The following TIGIT variants were observed in gnomAD, a reference collection of about 807,000 sequenced individuals.
TIGIT encodes the protein T-cell immunoreceptor with Ig and ITIM domains.
In TIGIT, 11 loss-of-function variants were observed where a neutral mutation model predicts 19.6. The observed-to-expected ratio is 0.56, with a 90% CI of 0.35 to 0.93. The LOEUF is 0.93. TIGIT is among the 40% of genes least tolerant of loss of function. The pLI is 0.01. For synonymous variants in TIGIT, 130 were observed against 125.5 expected, an observed-to-expected ratio of 1.04 and a Z score of -0.24; for missense variants, 295 against 303.9, an observed-to-expected ratio of 0.97 and a Z score of 0.22.
chr3:114,300,695 T>A (rs141962593), intron 3 of TIGIT, among the ~76,000 whole-genome samples: 14 of 152,292 alleles, frequency 9.2e-5, no homozygotes, highest in African/African-American at 3.4e-4. Flanking sequence ...GAGCATGGTG[T>A]ATTTGGCGAG....
At chr3:114,298,753 C>A (rs2078470922) in intron 2 of TIGIT, among the ~76,000 whole-genome samples, 1 of 152,190 alleles carries the variant, frequency 6.6e-6, no homozygotes, top group African/African-American at 2.4e-5. Context: ...GCAACCCAGA[C>A]CCTTAGGTAG....
intron 1 of TIGIT, among the ~76,000 whole-genome samples, 188 bp downstream of exon 1, chr3:114,294,310 TC>T (rs751436205): frequency 1.3e-5 from 2 of 152,186 alleles, no homozygotes; most frequent in Non-Finnish European, 2.9e-5. Flanking sequence ...GAGGTGGGGT[TC>T]TGTTTTTGGT....
At chr3:114,305,880 A>AGATAGAT (rs1427496679) in intron 3 of TIGIT, among the ~76,000 whole-genome samples, 2 of 151,276 alleles carry the variant, frequency 1.3e-5, no homozygotes, top group Non-Finnish European at 3.0e-5. Flanking sequence ...ATAGATAGAT[A>AGATAGAT]GATAGATAGA....
At chr3:114,298,520 C>T (rs1296384039) in intron 2 of TIGIT, among the ~76,000 whole-genome samples, 1 of 152,194 alleles carries the variant, frequency 6.6e-6, no homozygotes, top group Non-Finnish European at 1.5e-5. Flanking sequence ...TTATGGATAG[C>T]CCTCTGCAGC....
rs765978765 is a variant in TIGIT at position 114,295,915 on chromosome 3, C to G, written c.391+41C>G. ...CAAGTTGGTGGATAAACCTCTCCCT[C>G]TAGCATAGAAAATGCAATCCTGAAA... On this transcript the variant is annotated intron_variant, in intron 2 of 3. Coordinates refer to ENST00000383671, the MANE Select transcript of TIGIT (RefSeq NM_173799.4). 19 of 1,502,500 alleles carry G rather than the reference C, an allele frequency of 1.3e-5. No homozygotes were observed. The South Asian group carries it at 1.3e-4, about 10-fold the overall frequency. The allele number at this position is 1,502,500 out of a possible 1,614,324, so 93.1% of individuals were successfully genotyped here.
chr3:114,299,455 T>G (rs557744614), intron 2 of TIGIT, 142 bp from the exon 3 acceptor site: 2 of 621,560 alleles, frequency 3.2e-6, no homozygotes, highest in East Asian at 5.5e-5. Context: ...GTTCAAAGTG[T>G]TGGGCTTAAA....
rs35641088 is a variant in TIGIT, at chr3:114,308,218, C to CGTGTGTGTGT, written c.*96_*105dup. The CGTGTGTGTGT allele has an allele frequency of 2.4e-6, 2 of 826,958 alleles. No homozygotes were observed. The highest frequency in any genetic ancestry group is 4.0e-6 in the Non-Finnish European group (2 of 499,300). The allele number at this position is 826,958 out of a possible 1,614,324, so 51.2% of individuals were successfully genotyped here. ...GCAGCTGTACTCTCCATCAGTGCTGCGTGTGTGTGTGTGTGTGTATGTGTG... is the reference window on the plus strand; with the variant it reads ...GCAGCTGTACTCTCCATCAGTGCTGCGTGTGTGTGTGTGTGTGTGTGTGTGTGTATGTGTG... On this transcript the variant is annotated 3_prime_UTR_variant, in exon 4 of 4. Transcript: ENST00000383671.
At chr3:114,303,869 A>G (rs952864849) in intron 3 of TIGIT, among the ~76,000 whole-genome samples, 2 of 152,124 alleles carry the variant, frequency 1.3e-5, no homozygotes, top group Admixed American at 1.3e-4. Context: ...ACTAGTTTAC[A>G]TTCCCACAAG....
chr3:114,296,020 C>T (rs1322520444), intron 2 of TIGIT, 146 bp downstream of exon 2: 3 of 654,540 alleles, frequency 4.6e-6, no homozygotes, highest in Non-Finnish European at 7.7e-6. Flanking sequence ...ATGCCGAGGC[C>T]TCACCCAGAC....
At position 114,303,588 on chromosome 3, in the gene TIGIT, CATATATATGTAT is replaced by C. The variant is rs1560033638; in HGVS notation, c.498+3894_498+3905del. On this transcript the variant is annotated intron_variant, in intron 3 of 3. Transcript: ENST00000383671. Reference sequence around the variant, plus strand: ...ACATATATATGTATATATATATATACATATATATGTATATATATATATACATATATATGTATA... The same window carrying C: ...ACATATATATGTATATATATATATACATATATATATACATATATATGTATA... 3.8e-5 allele frequency among the ~76,000 whole-genome samples: 2 copies of C among 53,246 alleles called. 1 individual carries two copies. The highest frequency in any genetic ancestry group is 1.1e-3 in the South Asian group (2 of 1,888). The allele number at this position is 53,246 out of a possible 152,430, so 34.9% of individuals were successfully genotyped here. A position where few individuals can be genotyped will look rare whatever the true frequency, so the allele number is the denominator to read the frequency against.
intron 2 of TIGIT, among the ~76,000 whole-genome samples, chr3:114,296,745 A>G (rs1576136396): frequency 6.6e-6 from 1 of 152,292 alleles, no homozygotes. Flanking sequence ...ATTTTAACAC[A>G]GATGTTTTTG....
intron 2 of TIGIT, among the ~76,000 whole-genome samples, chr3:114,296,924 C>G (rs1048467564): frequency 8.4e-6 from 1 of 118,462 alleles, no homozygotes; most frequent in African/African-American, 3.2e-5. Flanking sequence ...GACGGAGTTT[C>G]GCTCTTGTTG....
intron 3 of TIGIT, among the ~76,000 whole-genome samples, chr3:114,306,542 C>T (rs558026923): frequency 7.2e-5 from 11 of 152,306 alleles, no homozygotes; most frequent in African/African-American, 2.4e-4. Flanking sequence ...GCTGTACCAC[C>T]TAACTTTGAT....
intron 3 of TIGIT, 73 bp downstream of exon 3, chr3:114,299,776 T>C: frequency 1.0e-6 from 1 of 971,552 alleles, no homozygotes; most frequent in South Asian, 1.4e-5. Flanking sequence ...CAGGTTCTCT[T>C]TCCACCCAGA....
Position 114,295,794 on chromosome 3 carries a change from G to T in TIGIT, c.311G>T (p.Gly104Val). 6.2e-7 allele frequency: 1 copy of T among 1,614,154 alleles called. No individual in the cohort carries two copies. The highest frequency in any genetic ancestry group is 8.5e-7 in the Non-Finnish European group (1 of 1,180,014). Residue 104 changes from glycine to valine, a missense_variant, in exon 2 of 4, where the codon GGG (glycine) becomes GTG (valine). Transcript: ENST00000383671. ...CAGTCGCTGACCGTGAACGATACAG[G>T]GGAGTACTTCTGCATCTATCACACC... ...TLQSLTVNDTGEYFCIYHTYP... is the reference protein window; with the variant it reads ...TLQSLTVNDTVEYFCIYHTYP...
intron 3 of TIGIT, among the ~76,000 whole-genome samples, chr3:114,306,527 G>C (rs1018068438): frequency 1.3e-5 from 2 of 152,174 alleles, no homozygotes; most frequent in Non-Finnish European, 2.9e-5. Context: ...TCAACCACTT[G>C]AGTAGCTGTA....
At chr3:114,299,502 A>G (rs894619507) in intron 2 of TIGIT, 95 bp from the exon 3 acceptor site, 1 of 928,048 alleles carries the variant, frequency 1.1e-6, no homozygotes, top group Non-Finnish European at 1.7e-6. Flanking sequence ...GGCTTGGCCA[A>G]TCCTCCCCTC....
rs142017149 is a variant in TIGIT at position 114,308,127 on chromosome 3, G to A, written c.731G>A (p.Gly244Asp). Residue 244 changes from glycine to aspartate, a missense_variant, in exon 4 of 4, where the codon GGT becomes GAT. Physicochemically the swap from Gly to Asp is moderately conservative, Grantham distance 94 (BLOSUM62 -1). Transcript: ENST00000383671. Reference protein sequence around the residue: ...LGNCSFFTETG With the variant: ...LGNCSFFTETD Reference sequence around the variant, plus strand: ...AACTGCAGCTTCTTCACAGAGACTGGTTAGCAACCAGAGGCATCTTCTGGA... The same window carrying A: ...AACTGCAGCTTCTTCACAGAGACTGATTAGCAACCAGAGGCATCTTCTGGA... 1.6e-4 allele frequency: 264 copies of A among 1,613,634 alleles called. No homozygotes were observed. The highest frequency in any genetic ancestry group is 2.2e-4 in the Non-Finnish European group (258 of 1,179,818).
rs1339906231 is a variant in TIGIT at position 114,295,797 on chromosome 3, A to C, written c.314A>C (p.Glu105Ala). 2 of 1,614,084 alleles carry C rather than the reference A, an allele frequency of 1.2e-6. No individual in the cohort carries two copies. The highest frequency in any genetic ancestry group is 1.7e-6 in the Non-Finnish European group (2 of 1,179,976). Reference protein sequence around the residue: ...LQSLTVNDTGEYFCIYHTYPD... With the variant: ...LQSLTVNDTGAYFCIYHTYPD... ...TCGCTGACCGTGAACGATACAGGGG[A>C]GTACTTCTGCATCTATCACACCTAC... The change falls in exon 2 of 4, where the codon GAG becomes GCG. Residue 105 changes from glutamate (E) to alanine (A), a missense_variant. By Grantham distance (107) the Glu-to-Ala change is moderately radical. Coordinates refer to ENST00000383671, the MANE Select transcript of TIGIT (RefSeq NM_173799.4).
Sources: allele counts gnomAD v4.1 joint callset (sites outside exome capture counted in the v4.1 genomes callset), GRCh38; gene constraint gnomAD v4.1.1; transcripts MANE v1.5; gene names NCBI Gene and HGNC (gene_info 2026-07-23, HGNC 2026-07-21).